Variants in EGF observed in about 807,000 individuals in gnomAD.
The protein encoded by EGF is pro-epidermal growth factor.
Under a neutral mutation model 143.8 loss-of-function variants are expected in EGF, and 95 were observed. The observed-to-expected ratio is 0.66, with a 90% CI of 0.56 to 0.78. The LOEUF is 0.78. Among genes scored for constraint, EGF ranks in the 30% least tolerant of loss-of-function variants. The pLI is 0.00. For synonymous variants in EGF, 510 were observed against 510.5 expected, an observed-to-expected ratio of 1.00 and a Z score of 0.01; for missense variants, 1,320 against 1,470.9, an observed-to-expected ratio of 0.90 and a Z score of 1.68.
chr4:109,933,043 C>T (rs1038688523), intron 1 of EGF, among the ~76,000 whole-genome samples: 7 of 152,170 alleles, frequency 4.6e-5, no homozygotes, highest in African/African-American at 4.8e-5. Context: ...CAATGGCAAA[C>T]GATATACATG....
intron 10 of EGF, among the ~76,000 whole-genome samples, chr4:109,965,038 G>A (rs1357421179): frequency 6.6e-6 from 1 of 152,056 alleles, no homozygotes; most frequent in East Asian, 1.9e-4. Context: ...TGTGAGAATG[G>A]CAATCTAACT....
intron 10 of EGF, 38 bp from the exon 11 acceptor site, chr4:109,968,933 T>TAA: frequency 6.2e-7 from 1 of 1,605,510 alleles, no homozygotes; most frequent in Non-Finnish European, 8.5e-7. Flanking sequence ...ACATTAGTTT[T>TAA]AAAAAAAAAT....
At chr4:109,974,030 C>T (rs186132757) in intron 11 of EGF, among the ~76,000 whole-genome samples, 2 of 152,020 alleles carry the variant, frequency 1.3e-5, no homozygotes, top group East Asian at 3.9e-4. Context: ...AAAAATAATA[C>T]AAATAAAAAC....
chr4:109,946,172 C>T (rs935649332), intron 5 of EGF, among the ~76,000 whole-genome samples: 1 of 152,196 alleles, frequency 6.6e-6, no homozygotes, highest in East Asian at 1.9e-4. Context: ...TTGCCACTGC[C>T]ATAGTCTAAG....
chr4:110,012,913 C>T lies in EGF; in HGVS notation c.*1458C>T, dbSNP rs962228861. Among the ~76,000 whole-genome samples the T allele has an allele frequency of 1.3e-5, 2 of 152,026 alleles. No individual in the cohort carries two copies. The highest frequency in any genetic ancestry group is 2.9e-5 in the Non-Finnish European group (2 of 68,006). ...CTTTGTTTATCTTTCATTTCTCAAC[C>T]CCTTGTACTTTGGTGATACCAGACA... On this transcript the variant is annotated 3_prime_UTR_variant, in exon 24 of 24. Transcript: ENST00000265171.
intron 1 of EGF, among the ~76,000 whole-genome samples, chr4:109,921,960 C>T (rs1737872746): frequency 6.6e-6 from 1 of 151,518 alleles, no homozygotes; most frequent in South Asian, 2.1e-4. Context: ...CCCAGGCCTT[C>T]CCTTACGAGG....
intron 1 of EGF, 135 bp downstream of exon 1, chr4:109,913,597 T>C: frequency 4.7e-6 from 6 of 1,286,526 alleles, no homozygotes; most frequent in Non-Finnish European, 6.5e-6. Context: ...TTTTGTTTTC[T>C]GATGCATGTT....
chr4:109,945,541 A>AGCCTGGACAACATAACAAGGCTCG (rs1742698617), intron 5 of EGF, among the ~76,000 whole-genome samples: 1 of 152,188 alleles, frequency 6.6e-6, no homozygotes, highest in Non-Finnish European at 1.5e-5. Context: ...GTTTGAGACC[A>AGCCTGGACAACATAACAAGGCTCG]GCCTGGACAA....
At chr4:109,993,901 G>A (rs566830353) in intron 19 of EGF, among the ~76,000 whole-genome samples, 1 of 152,212 alleles carries the variant, frequency 6.6e-6, no homozygotes, top group Admixed American at 6.5e-5. Flanking sequence ...CACCCCAGAA[G>A]GGGAGCTGGC....
At chr4:109,955,939 G>A (rs1223821553) in intron 5 of EGF, among the ~76,000 whole-genome samples, 1 of 152,170 alleles carries the variant, frequency 6.6e-6, no homozygotes, top group Non-Finnish European at 1.5e-5. Flanking sequence ...AAATCCAGGT[G>A]AGAGGTAGTA....
intron 11 of EGF, among the ~76,000 whole-genome samples, chr4:109,970,683 G>A (rs573588986): frequency 4.7e-4 from 71 of 152,100 alleles, no homozygotes; most frequent in African/African-American, 1.5e-3. Flanking sequence ...AAAATTAGCC[G>A]GGCGGGTGGT....
At position 109,969,537 on chromosome 4, in the gene EGF, G is replaced by A. The variant is rs527813368; in HGVS notation, c.1724+418G>A. On this transcript the variant is annotated intron_variant, in intron 11 of 23. Coordinates refer to ENST00000265171, the MANE Select transcript of EGF (RefSeq NM_001963.6). ...TTGATGGGTGTAGCAAACCACCATGGCACATGTATATCTATGTAATAAACC... is the reference window on the plus strand; with the variant it reads ...TTGATGGGTGTAGCAAACCACCATGACACATGTATATCTATGTAATAAACC... 1.6e-4 allele frequency among the ~76,000 whole-genome samples: 25 copies of A among 152,044 alleles called. 1 individual carries two copies. The East Asian group carries it at 3.1e-3, about 19-fold the overall frequency.
rs536942722 is a variant in EGF at position 109,964,656 on chromosome 4, A to G, written c.1575+119A>G. On this transcript the variant is annotated intron_variant, in intron 10 of 23. Coordinates refer to ENST00000265171, the MANE Select transcript of EGF (RefSeq NM_001963.6). ...TCTGCTAAGTTCTGAATGATTAGGCACAGAACAAGTTAAATATAGATATTG... is the reference window on the plus strand; with the variant it reads ...TCTGCTAAGTTCTGAATGATTAGGCGCAGAACAAGTTAAATATAGATATTG... The G allele has an allele frequency of 2.4e-5, 33 of 1,400,154 alleles. No individual in the cohort carries two copies. The East Asian group carries it at 7.6e-4, about 32-fold the overall frequency. The allele number at this position is 1,400,154 out of a possible 1,614,324, so 86.7% of individuals were successfully genotyped here. A position where few individuals can be genotyped will look rare whatever the true frequency, so the allele number is the denominator to read the frequency against.
At chr4:109,975,809 C>T (rs571844937) in intron 12 of EGF, among the ~76,000 whole-genome samples, 6 of 152,238 alleles carry the variant, frequency 3.9e-5, no homozygotes, top group Non-Finnish European at 8.8e-5. Flanking sequence ...CATTTCTTTT[C>T]GAAGATGCTT....
rs1225548231 is a variant in EGF, at chr4:109,979,928, C to A, written c.2054-44C>A. ...CTTGTCCTTTCGTAAATAGTCATTG[C>A]AAAGACAAAGAAGGTGTATTTAACA... On this transcript the variant is annotated intron_variant, in intron 13 of 23. Transcript: ENST00000265171. The A allele has an allele frequency of 2.5e-6, 4 of 1,608,308 alleles. No homozygotes were observed. In the African/African-American group the frequency reaches 5.4e-5, roughly 22 times the overall value.
chr4:109,958,296 T>G (rs1274928801), intron 5 of EGF, among the ~76,000 whole-genome samples: 2 of 152,238 alleles, frequency 1.3e-5, no homozygotes, highest in Admixed American at 1.3e-4. Context: ...TCCCAAATAT[T>G]TTCAGTCCTA....
Position 109,944,070 on chromosome 4 carries a change from G to A in EGF, c.737+1G>A. 1.2e-6 allele frequency: 2 copies of A among 1,613,072 alleles called. No homozygotes were observed. Among genetic ancestry groups the A allele is most frequent in the Non-Finnish European group, 1.7e-6 (2 of 1,179,186 alleles). On this transcript the variant is annotated splice_donor_variant, in intron 4 of 23. Coordinates refer to ENST00000265171, the MANE Select transcript of EGF (RefSeq NM_001963.6). LOFTEE classifies it high-confidence loss of function. ...TCCACATTAGTAAACATCCAACACAGTAAGTTTTACTCTTGGTATAAAATA... is the reference window on the plus strand; with the variant it reads ...TCCACATTAGTAAACATCCAACACAATAAGTTTTACTCTTGGTATAAAATA...
At chr4:109,989,522 T>C (rs1166078661) in intron 18 of EGF, among the ~76,000 whole-genome samples, 1 of 152,234 alleles carries the variant, frequency 6.6e-6, no homozygotes, top group Non-Finnish European at 1.5e-5. Context: ...AGGTTAAAGA[T>C]GAAATATCAA....
intron 13 of EGF, 54 bp from the exon 14 acceptor site, chr4:109,979,914 GTAAA>G (rs1749077733): frequency 1.3e-6 from 2 of 1,596,428 alleles, no homozygotes; most frequent in Non-Finnish European, 1.7e-6. Flanking sequence ...TTGTCCTTTC[GTAAA>G]TAGTCATTGC....
Sources: gnomAD v4.1 joint callset for allele counts (sites outside exome capture counted in the v4.1 genomes callset) on GRCh38, gnomAD v4.1.1 for gene constraint, MANE v1.5 for transcripts, NCBI Gene and HGNC (gene_info 2026-07-23, HGNC 2026-07-21) for gene names.